The following CHIA variants were observed in gnomAD, a reference collection of about 807,000 sequenced individuals.
CHIA encodes the protein chitinase acidic.
CHIA carries 47 observed loss-of-function variants against 53.5 expected under a neutral mutation model. The observed-to-expected ratio is 0.88, with a 90% CI of 0.70 to 1.12. CHIA has a LOEUF of 1.12. CHIA is among the 50% of genes most tolerant of loss of function. CHIA has a pLI of 0.00. For missense variants in CHIA, 652 were observed against 592.2 expected, an observed-to-expected ratio of 1.10 and a Z score of -1.05; for synonymous variants, 268 against 222.2, an observed-to-expected ratio of 1.21 and a Z score of -1.83.
chr1:111,299,523 C>T (rs1481848270), intron 1 of CHIA, among the ~76,000 whole-genome samples: 3 of 152,098 alleles, frequency 2.0e-5, no homozygotes, highest in Non-Finnish European at 4.4e-5. Flanking sequence ...AAAAGGCCTT[C>T]CACAAAATTC....
chr1:111,317,835 T>C (rs1002213094), intron 7 of CHIA, 30 bp downstream of exon 7: 1 of 1,613,520 alleles, frequency 6.2e-7, no homozygotes, highest in African/African-American at 1.3e-5. Context: ...TTCAAACTCC[T>C]GGAGGTGTCA....
chr1:111,311,154 C>T (rs1000992099), intron 2 of CHIA, among the ~76,000 whole-genome samples: 2 of 152,238 alleles, frequency 1.3e-5, no homozygotes, highest in South Asian at 4.1e-4. Context: ...ATTTATAAAA[C>T]AATCAGAGTA....
intron 1 of CHIA, among the ~76,000 whole-genome samples, chr1:111,300,736 C>T (rs1647652766): frequency 6.6e-6 from 1 of 152,120 alleles, no homozygotes; most frequent in Non-Finnish European, 1.5e-5. Context: ...CCAATGGGAT[C>T]TAATTAAACT....
At chr1:111,305,176 A>G (rs143326785) in intron 1 of CHIA, among the ~76,000 whole-genome samples, 1 of 152,308 alleles carries the variant, frequency 6.6e-6, no homozygotes, top group East Asian at 1.9e-4. Flanking sequence ...GGGCATATGC[A>G]GTGACTTTCT....
chr1:111,295,403 C>A (rs1661278411), intron 1 of CHIA, among the ~76,000 whole-genome samples: 1 of 152,172 alleles, frequency 6.6e-6, no homozygotes, highest in Non-Finnish European at 1.5e-5. Flanking sequence ...TTCTAATTTT[C>A]TATCTTTTCA....
At chr1:111,305,598 A>G (rs532192536) in intron 1 of CHIA, among the ~76,000 whole-genome samples, 7 of 152,332 alleles carry the variant, frequency 4.6e-5, no homozygotes, top group African/African-American at 1.4e-4. Flanking sequence ...ATTAACTTCA[A>G]TTTACCTACG....
intron 1 of CHIA, among the ~76,000 whole-genome samples, chr1:111,309,477 T>A (rs1186638627): frequency 6.6e-6 from 1 of 152,088 alleles, no homozygotes; most frequent in Non-Finnish European, 1.5e-5. Flanking sequence ...GGAGAGAGCA[T>A]TAAGATAGAA....
At chr1:111,307,991 C>A (rs1274338068) in intron 1 of CHIA, among the ~76,000 whole-genome samples, 2 of 152,036 alleles carry the variant, frequency 1.3e-5, no homozygotes, top group African/African-American at 4.8e-5. Flanking sequence ...GTAGATTTTA[C>A]AATTAAAGAA....
chr1:111,302,942 G>A (rs1647878569), intron 1 of CHIA, among the ~76,000 whole-genome samples: 1 of 151,944 alleles, frequency 6.6e-6, no homozygotes, highest in African/African-American at 2.4e-5. Context: ...TGTGTCATTA[G>A]GTACATAAAT....
At chr1:111,315,015 A>G (rs1410867070) in intron 5 of CHIA, 8 of 458,336 alleles carry the variant, frequency 1.7e-5, no homozygotes, top group South Asian at 3.3e-5. Context: ...TGGGTTTGCC[A>G]GGTATCCAAA....
At chr1:111,301,490 G>A (rs1647727277) in intron 1 of CHIA, among the ~76,000 whole-genome samples, 1 of 151,932 alleles carries the variant, frequency 6.6e-6, no homozygotes, top group Admixed American at 6.6e-5. Flanking sequence ...ACGAGGTCAG[G>A]AGATCAAGAC....
intron 1 of CHIA, among the ~76,000 whole-genome samples, chr1:111,299,621 C>T (rs993423360): frequency 6.6e-6 from 1 of 152,178 alleles, no homozygotes; most frequent in Non-Finnish European, 1.5e-5. Context: ...GACAAACCCA[C>T]AGCCAATATC....
At chr1:111,293,123 G>T (rs1661126351) in intron 1 of CHIA, among the ~76,000 whole-genome samples, 1 of 151,946 alleles carries the variant, frequency 6.6e-6, no homozygotes, top group Admixed American at 6.6e-5. Context: ...TGGATCATAT[G>T]GTAATTCTAT....
Position 111,315,425 on chromosome 1 carries a change from T to A in CHIA, c.470T>A (p.Val157Asp), listed in dbSNP as rs898682447. 2 of 1,612,830 alleles carry A rather than the reference T, an allele frequency of 1.2e-6. No homozygotes were observed. The highest frequency in any genetic ancestry group is 2.7e-5 in the African/African-American group (2 of 74,886). Residue 157 changes from valine (V) to aspartate (D), a missense_variant, in exon 6 of 12, where the codon GTC (valine) becomes GAC (aspartate). Physicochemically the swap from Val to Asp is radical, Grantham distance 152. Transcript: ENST00000369740. ...CCTCAGGACAAGCATCTCTTCACTGTCCTGGTGCAGGTGGGGAAGGAAGTC... is the reference window on the plus strand; with the variant it reads ...CCTCAGGACAAGCATCTCTTCACTGACCTGGTGCAGGTGGGGAAGGAAGTC... ...SPPQDKHLFT[V>D]LVQEMREAFE...
chr1:111,296,698 G>A (rs190112475), intron 1 of CHIA, among the ~76,000 whole-genome samples: 10 of 152,298 alleles, frequency 6.6e-5, no homozygotes. Flanking sequence ...TGCCAGCAAC[G>A]GAACAAAGCT....
chr1:111,297,614 CA>C (rs1647278126), intron 1 of CHIA, among the ~76,000 whole-genome samples: 1 of 152,120 alleles, frequency 6.6e-6, no homozygotes, highest in African/African-American at 2.4e-5. Flanking sequence ...CCAGCCACTA[CA>C]AAAACATGCC....
At chr1:111,318,877 A>C (rs1012103502) in intron 9 of CHIA, among the ~76,000 whole-genome samples, 199 bp downstream of exon 9, 1 of 152,232 alleles carries the variant, frequency 6.6e-6, no homozygotes, top group African/African-American at 2.4e-5. Flanking sequence ...TTCACACAAC[A>C]GACTACCTTT....
Position 111,319,471 on chromosome 1 carries a change from A to G in CHIA, c.1177+3A>G. On this transcript the variant is annotated splice_donor_region_variant and intron_variant, in intron 11 of 11. Transcript: ENST00000369740. ...GGCCCTCGGCCTGCAGAGTGCAAGT[A>G]AGTGACTGAGGGGGAATGCCCAGGT... The G allele has an allele frequency of 3.1e-6, 5 of 1,613,496 alleles. No homozygotes were observed. The highest frequency in any genetic ancestry group is 4.2e-6 in the Non-Finnish European group (5 of 1,179,832).
At chr1:111,311,398 G>A (rs1051524209) in intron 2 of CHIA, among the ~76,000 whole-genome samples, 3 of 152,284 alleles carry the variant, frequency 2.0e-5, no homozygotes, top group East Asian at 3.9e-4. Context: ...GTGATCAGTT[G>A]GTGATTTCAG....
Sources: gnomAD v4.1 joint callset for allele counts (sites outside exome capture counted in the v4.1 genomes callset) on GRCh38, gnomAD v4.1.1 for gene constraint, MANE v1.5 for transcripts, NCBI Gene and HGNC (gene_info 2026-07-23, HGNC 2026-07-21) for gene names.